The following VEGFB variants were observed in gnomAD, a reference collection of about 807,000 sequenced individuals.
VEGFB encodes the protein VEGF-related factor.
In VEGFB, 24 loss-of-function variants were observed where a neutral mutation model predicts 22.5. The ratio of observed to expected loss-of-function variants is 1.07; its 90% CI spans 0.77 to 1.50. VEGFB has a LOEUF of 1.50. Among genes scored for constraint, VEGFB ranks in the 40% most tolerant of loss-of-function variants. The probability of loss-of-function intolerance (pLI) is 0.00; values close to 1 mark genes in which losing one functional copy is unlikely to be tolerated. For missense variants in VEGFB, 327 were observed against 287.8 expected, an observed-to-expected ratio of 1.14 and a Z score of -0.99; for synonymous variants, 141 against 117.4, an observed-to-expected ratio of 1.20 and a Z score of -1.30.
chr11:64,237,092 AGAG>A lies in VEGFB; in HGVS notation c.375-94_375-92del. The A allele has an allele frequency of 2.8e-5, 3 of 108,622 alleles. 1 individual carries two copies. The highest frequency in any genetic ancestry group is 3.9e-4 in the South Asian group (2 of 5,066). The allele number at this position is 108,622 out of a possible 1,614,324, so 6.7% of individuals were successfully genotyped here. A position where few individuals can be genotyped will look rare whatever the true frequency, so the allele number is the denominator to read the frequency against. On this transcript the variant is annotated intron_variant, in intron 4 of 6. Coordinates refer to ENST00000309422, the MANE Select transcript of VEGFB (RefSeq NM_003377.5). The stretch of plus-strand genomic sequence containing the variant: ...GAGGGAAACACAGTCTCAAAGAGAG[AGAG>A]AGAGAGAGAGAGAGAGAGAGAGAGA...
chr11:64,236,066 C>T lies in VEGFB; in HGVS notation c.300+57C>T, dbSNP rs544351293. 91 of 1,536,876 alleles carry T rather than the reference C, an allele frequency of 5.9e-5. 1 individual carries two copies. The highest frequency in any genetic ancestry group is 4.9e-4 in the South Asian group (41 of 84,192). ...TGCAGGTACTGGGCAGGTGGGGCAGCGGGCAGGGTGGATGCTGGCTGGCTC... is the reference window on the plus strand; with the variant it reads ...TGCAGGTACTGGGCAGGTGGGGCAGTGGGCAGGGTGGATGCTGGCTGGCTC... On this transcript the variant is annotated intron_variant, in intron 3 of 6. Coordinates refer to ENST00000309422, the MANE Select transcript of VEGFB (RefSeq NM_003377.5).
chr11:64,235,164 G>A (rs1009700977), intron 1 of VEGFB, among the ~76,000 whole-genome samples: 28 of 152,186 alleles, frequency 1.8e-4, no homozygotes, highest in African/African-American at 4.6e-4. Flanking sequence ...GACCTGCTTC[G>A]GTGGGCACTG....
intron 4 of VEGFB, 154 bp from the exon 5 acceptor site, chr11:64,237,033 A>G (rs1327054008): frequency 1.7e-6 from 1 of 586,472 alleles, no homozygotes; most frequent in African/African-American, 1.8e-5. Flanking sequence ...CAGTGAGCCG[A>G]GACCACGCCA....
At chr11:64,238,222 A>G in intron 6 of VEGFB, 134 bp from the exon 7 acceptor site, 2 of 1,125,884 alleles carry the variant, frequency 1.8e-6, no homozygotes, top group Non-Finnish European at 2.5e-6. Flanking sequence ...TTCGCCCTGC[A>G]GCCTCCAGTG....
chr11:64,237,127 G>GATATATATATATATATATAT, intron 4 of VEGFB, 60 bp from the exon 5 acceptor site: 2 of 813,208 alleles, frequency 2.5e-6, no homozygotes, highest in East Asian at 3.2e-5. Flanking sequence ...GAGAGAGTAG[G>GATATATATATATATATATAT]ATGCTGGGAT....
chr11:64,236,561 C>A (rs987384007), intron 4 of VEGFB, among the ~76,000 whole-genome samples: 3 of 151,110 alleles, frequency 2.0e-5, no homozygotes, highest in Admixed American at 6.6e-5. Flanking sequence ...TAAAAAAATA[C>A]AAAAAATTAG....
Position 64,237,643 on chromosome 11 carries a change from C to T in VEGFB, c.*10C>T. On this transcript the variant is annotated 3_prime_UTR_variant, in exon 6 of 7. Coordinates refer to ENST00000309422, the MANE Select transcript of VEGFB (RefSeq NM_003377.5). ...CAAGGGCGGGGCTTAGAGCTCAACC[C>T]AGACACCTGCAGGTGAGGCGTCTGT... is the stretch of plus-strand genomic sequence containing the variant. The T allele has an allele frequency of 6.5e-7, 1 of 1,533,300 alleles. No homozygotes were observed. Among genetic ancestry groups the T allele is most frequent in the Non-Finnish European group, 8.8e-7 (1 of 1,140,406 alleles). 95.0% of individuals were successfully genotyped at this position (1,533,300 alleles called of 1,614,324 possible).
rs148746445 is a variant in VEGFB at position 64,235,961 on chromosome 11, C to T, written c.252C>T (p.Asp84=). The T allele has an allele frequency of 6.3e-5, 101 of 1,610,430 alleles. No individual in the cohort carries two copies. In the South Asian group the frequency reaches 8.2e-4, roughly 13 times the overall value. ...AGCGCTGTGGTGGCTGCTGCCCTGACGATGGCCTGGAGTGTGTGCCCACTG... is the reference window on the plus strand; with the variant it reads ...AGCGCTGTGGTGGCTGCTGCCCTGATGATGGCCTGGAGTGTGTGCCCACTG... ...TVQRCGGCCP[D]DGLECVPTGQ... The change falls in exon 3 of 7, where the codon GAC becomes GAT. Residue 84 remains aspartate, a synonymous_variant. Coordinates refer to ENST00000309422, the MANE Select transcript of VEGFB (RefSeq NM_003377.5).
At chr11:64,236,916 TAAAA>T (rs540558462) in intron 4 of VEGFB, among the ~76,000 whole-genome samples, 1 of 140,010 alleles carries the variant, frequency 7.1e-6, no homozygotes, top group Admixed American at 7.2e-5. Context: ...CCATCTCTAC[TAAAA>T]AAAAATACAA....
chr11:64,237,079 GTCTCA>G (rs1565317879), intron 4 of VEGFB, 103 bp from the exon 5 acceptor site: 2 of 820,254 alleles, frequency 2.4e-6, no homozygotes, highest in South Asian at 2.0e-5. Context: ...GGGAAACACA[GTCTCA>G]AAGAGAGAGA....
In VEGFB at chr11:64,237,412, C is replaced by T; in HGVS notation, c.411-8C>T. ...TCCCACCCCAGACATGTCGCTTCTC[C>T]TCCCTAGGGCTGCCACTCCCCACCA... is the stretch of plus-strand genomic sequence containing the variant. On this transcript the variant is annotated splice_region_variant and splice_polypyrimidine_tract_variant and intron_variant, in intron 5 of 6. Coordinates refer to ENST00000309422, the MANE Select transcript of VEGFB (RefSeq NM_003377.5). 6.3e-7 allele frequency: 1 copy of T among 1,579,858 alleles called. No individual in the cohort carries two copies. The highest frequency in any genetic ancestry group is 8.7e-7 in the Non-Finnish European group (1 of 1,154,970).
intron 2 of VEGFB, 90 bp downstream of exon 2, chr11:64,235,590 C>T: frequency 7.1e-7 from 1 of 1,406,076 alleles, no homozygotes; most frequent in Middle Eastern, 1.8e-4. Context: ...GTGTAACTCC[C>T]CTAGAAGATT....
At position 64,237,642 on chromosome 11, in the gene VEGFB, C is replaced by A. The variant is rs1352836705; in HGVS notation, c.*9C>A. 6 of 1,536,406 alleles carry A rather than the reference C, an allele frequency of 3.9e-6. No individual in the cohort carries two copies. Among genetic ancestry groups the A allele is most frequent in the Non-Finnish European group, 5.3e-6 (6 of 1,142,272 alleles). The stretch of plus-strand genomic sequence containing the variant: ...CCAAGGGCGGGGCTTAGAGCTCAAC[C>A]CAGACACCTGCAGGTGAGGCGTCTG... On this transcript the variant is annotated 3_prime_UTR_variant, in exon 6 of 7. Coordinates refer to ENST00000309422, the MANE Select transcript of VEGFB (RefSeq NM_003377.5).
Position 64,237,120 on chromosome 11 carries a change from A to T in VEGFB, c.375-67A>T, listed in dbSNP as rs552134275. The T allele has an allele frequency of 1.7e-5, 16 of 966,578 alleles. No individual in the cohort carries two copies. The South Asian group carries it at 2.2e-4, about 13-fold the overall frequency. The allele number at this position is 966,578 out of a possible 1,614,324, so 59.9% of individuals were successfully genotyped here. ...GAGAGAGAGAGAGAGAGAGAGAGAG[A>T]GAGTAGGATGCTGGGATTTCCTGAT... is the stretch of plus-strand genomic sequence containing the variant. On this transcript the variant is annotated intron_variant, in intron 4 of 6. Transcript: ENST00000309422.
rs779227614 is a variant in VEGFB at position 64,235,412 on chromosome 11, A to T, written c.61-46A>T. 9 of 1,594,618 alleles carry T rather than the reference A, an allele frequency of 5.6e-6. No homozygotes were observed. In the African/African-American group the frequency reaches 1.2e-4, roughly 21 times the overall value. ...GCCCCAGGGACGGTGACAGGGCCAC[A>T]CCCTCCTAAAGTGTACCTTGGGTAC... is the stretch of plus-strand genomic sequence containing the variant. On this transcript the variant is annotated intron_variant, in intron 1 of 6. Coordinates refer to ENST00000309422, the MANE Select transcript of VEGFB (RefSeq NM_003377.5).
rs979744383 is a variant in VEGFB at position 64,237,229 on chromosome 11, C to G, written c.410+7C>G. 3.1e-6 allele frequency: 5 copies of G among 1,608,386 alleles called. No homozygotes were observed. The South Asian group carries it at 3.3e-5, about 11-fold the overall frequency. On this transcript the variant is annotated splice_region_variant and intron_variant, in intron 5 of 6. Transcript: ENST00000309422. ...GTGCTGTGAAGCCAGACAGGTGAGTCTTTTGGACTCCAGCTGAGTAGGGGT... is the reference window on the plus strand; with the variant it reads ...GTGCTGTGAAGCCAGACAGGTGAGTGTTTTGGACTCCAGCTGAGTAGGGGT...
intron 1 of VEGFB, 91 bp from the exon 2 acceptor site, chr11:64,235,367 C>T (rs887286652): frequency 1.7e-6 from 2 of 1,197,144 alleles, no homozygotes; most frequent in Non-Finnish European, 2.5e-6. Context: ...GGTGGTGAAG[C>T]CTACTGATGC....
rs752987762 is a variant in VEGFB, at chr11:64,238,412, C to T, written c.*79C>T. On this transcript the variant is annotated 3_prime_UTR_variant, in exon 7 of 7. Coordinates refer to ENST00000309422, the MANE Select transcript of VEGFB (RefSeq NM_003377.5). ...TTTCAGACTCAGCAGGGTGACTTGC[C>T]TCAGAGGCTATATCCCAGTGGGGGA... 3 of 1,535,938 alleles carry T rather than the reference C, an allele frequency of 2.0e-6. No homozygotes were observed. Among genetic ancestry groups the T allele is most frequent in the Non-Finnish European group, 2.6e-6 (3 of 1,146,836 alleles).
At position 64,237,479 on chromosome 11, in the gene VEGFB, C is replaced by G. The variant is rs746132695; in HGVS notation, c.470C>G (p.Pro157Arg). 1 of 1,612,418 alleles carries G rather than the reference C, an allele frequency of 6.2e-7. No individual in the cohort carries two copies. Among genetic ancestry groups the G allele is most frequent in the East Asian group, 2.2e-5 (1 of 44,860 alleles). ...PRSVPGWDSA[P>R]GAPSPADITH... ...TCTGTTCCGGGCTGGGACTCTGCCCCCGGAGCACCCTCCCCAGCTGACATC... is the reference window on the plus strand; with the variant it reads ...TCTGTTCCGGGCTGGGACTCTGCCCGCGGAGCACCCTCCCCAGCTGACATC... The change falls in exon 6 of 7, where the codon CCC becomes CGC. Residue 157 changes from proline to arginine, a missense_variant. Transcript: ENST00000309422.
Sources: allele counts gnomAD v4.1 joint callset (sites outside exome capture counted in the v4.1 genomes callset), GRCh38; gene constraint gnomAD v4.1.1; transcripts MANE v1.5; gene names NCBI Gene and HGNC (gene_info 2026-07-23, HGNC 2026-07-21).